Variants in PDE11A observed in about 807,000 individuals in gnomAD.
PDE11A encodes dual 3',5'-cyclic-AMP and -GMP phosphodiesterase 11A.
PDE11A carries 100 observed loss-of-function variants against 100.5 expected under a neutral mutation model. That is an observed-to-expected ratio of 1.00 (90% CI 0.85 to 1.18). PDE11A has a LOEUF of 1.18. Among genes scored for constraint, PDE11A ranks in the 50% most tolerant of loss-of-function variants. The probability of loss-of-function intolerance (pLI) is 0.00; values close to 1 mark genes in which losing one functional copy is unlikely to be tolerated. For synonymous variants in PDE11A, 381 were observed against 420.8 expected, an observed-to-expected ratio of 0.91 and a Z score of 1.16; for missense variants, 1,141 against 1,152.6, an observed-to-expected ratio of 0.99 and a Z score of 0.15.
At chr2:177,815,025 A>T (rs1056859572) in intron 9 of PDE11A, among the ~76,000 whole-genome samples, 3 of 152,186 alleles carry the variant, frequency 2.0e-5, no homozygotes, top group Non-Finnish European at 4.4e-5. Context: ...TGTTAATTAT[A>T]CTGTGACATA....
intron 18 of PDE11A, among the ~76,000 whole-genome samples, chr2:177,669,126 T>C (rs911401056): frequency 6.6e-6 from 1 of 152,244 alleles, no homozygotes; most frequent in Non-Finnish European, 1.5e-5. Flanking sequence ...AAATAAAATC[T>C]AGCTTCTCAA....
chr2:177,702,370 A>C (rs10168641), intron 13 of PDE11A: 2 of 151,704 alleles, frequency 1.3e-5, no homozygotes, highest in African/African-American at 2.4e-5. Context: ...AAGAAATGGG[A>C]GTTAGAGCAT....
intron 2 of PDE11A, among the ~76,000 whole-genome samples, chr2:178,003,349 T>C (rs892682835): frequency 3.9e-5 from 6 of 152,128 alleles, no homozygotes; most frequent in Admixed American, 3.3e-4. Context: ...TATATCCACA[T>C]GGTGGCACAT....
At chr2:178,001,993 G>T (rs1420142827) in intron 2 of PDE11A, among the ~76,000 whole-genome samples, 5 of 152,094 alleles carry the variant, frequency 3.3e-5, no homozygotes, top group Admixed American at 2.0e-4. Context: ...CTGAGGTTTG[G>T]GATATGAATG....
intron 2 of PDE11A, among the ~76,000 whole-genome samples, chr2:177,949,314 T>G (rs568342558): frequency 2.1e-4 from 32 of 152,326 alleles, no homozygotes; most frequent in African/African-American, 6.7e-4. Context: ...CAACATGTAC[T>G]CATTACAAAT....
At chr2:177,798,125 T>A (rs1261116340) in intron 9 of PDE11A, among the ~76,000 whole-genome samples, 2 of 152,202 alleles carry the variant, frequency 1.3e-5, no homozygotes, top group Middle Eastern at 3.2e-3. Context: ...CCTATGACTT[T>A]CCTTCTCCAT....
At chr2:177,760,494 A>G (rs781632495) in intron 10 of PDE11A, among the ~76,000 whole-genome samples, 3 of 152,208 alleles carry the variant, frequency 2.0e-5, no homozygotes, top group Non-Finnish European at 4.4e-5. Context: ...AAATTTGAGT[A>G]TGCGAAAATC....
intron 1 of PDE11A, among the ~76,000 whole-genome samples, chr2:178,051,690 A>C (rs559406409): frequency 1.3e-5 from 2 of 152,048 alleles, no homozygotes; most frequent in African/African-American, 4.8e-5. Flanking sequence ...AAACAACGAC[A>C]AAAAAAAGCA....
At chr2:177,869,157 C>T (rs2105684102) in intron 5 of PDE11A, among the ~76,000 whole-genome samples, 1 of 152,330 alleles carries the variant, frequency 6.6e-6, no homozygotes, top group East Asian at 1.9e-4. Flanking sequence ...CATTCATTTC[C>T]CATTTCTGCA....
chr2:177,867,617 T>C (rs2084053067), intron 5 of PDE11A, among the ~76,000 whole-genome samples: 1 of 152,040 alleles, frequency 6.6e-6, no homozygotes, highest in African/African-American at 2.4e-5. Flanking sequence ...TCCTAGCTAC[T>C]CGGCAGGCTG....
At chr2:177,740,777 G>A (rs2105464492) in intron 10 of PDE11A, among the ~76,000 whole-genome samples, 1 of 152,268 alleles carries the variant, frequency 6.6e-6, no homozygotes, top group East Asian at 1.9e-4. Flanking sequence ...GTGGTCTTGT[G>A]AATCTGTCTC....
At chr2:177,769,519 A>G (rs2105501813) in intron 9 of PDE11A, 146 bp from the exon 10 acceptor site, 2 of 637,694 alleles carry the variant, frequency 3.1e-6, no homozygotes, top group Non-Finnish European at 2.8e-6. Flanking sequence ...CAACATGTCT[A>G]ATAACATTCT....
chr2:177,909,910 T>C (rs953447811), intron 2 of PDE11A, among the ~76,000 whole-genome samples: 2 of 152,206 alleles, frequency 1.3e-5, no homozygotes, highest in African/African-American at 2.4e-5. Context: ...CCTTATCAAG[T>C]GCAACTGATG....
chr2:178,066,605 C>G (rs887769718), intron 1 of PDE11A, among the ~76,000 whole-genome samples: 7 of 152,140 alleles, frequency 4.6e-5, no homozygotes, highest in Non-Finnish European at 1.0e-4. Context: ...GTCACATGGG[C>G]TGAGGGAGAG....
rs1242919703 is a variant in PDE11A, at chr2:177,998,794, G to A, written c.1071+15508C>T. 8.5e-6 allele frequency: 6 copies of A among 706,348 alleles called. No homozygotes were observed. The Admixed American group carries it at 1.1e-4, about 13-fold the overall frequency. 43.8% of individuals were successfully genotyped at this position (706,348 alleles called of 1,614,324 possible). A position where few individuals can be genotyped will look rare whatever the true frequency, so the allele number is the denominator to read the frequency against. On this transcript the variant is annotated intron_variant, in intron 2 of 19. Coordinates refer to ENST00000286063, the MANE Select transcript of PDE11A (RefSeq NM_016953.4). ...ATGGTGAGCGACAAGCCCAGGGCCT[G>A]CTCCCACTATCTTCATCCTTGCCGG...
intron 1 of PDE11A, among the ~76,000 whole-genome samples, chr2:178,046,179 A>G (rs1205052582): frequency 6.6e-6 from 1 of 152,228 alleles, no homozygotes; most frequent in Non-Finnish European, 1.5e-5. Context: ...CATATTCCCA[A>G]TAAATACTGG....
In PDE11A at chr2:177,895,510, C is replaced by T. The variant is rs374244014; in HGVS notation, c.1302+2548G>A. Among the ~76,000 whole-genome samples the T allele has an allele frequency of 4.0e-5, 6 of 150,612 alleles. No homozygotes were observed. In the East Asian group the frequency reaches 5.8e-4, roughly 15 times the overall value. The stretch of plus-strand genomic sequence containing the variant: ...TGGAGGTTTCAGTGAGCTGAGATCG[C>T]GCCATTGCACTCCAGCCTGGGGGAC... On this transcript the variant is annotated intron_variant, in intron 4 of 19. Coordinates refer to ENST00000286063, the MANE Select transcript of PDE11A (RefSeq NM_016953.4).
At chr2:177,921,094 T>TC (rs1387930516) in intron 2 of PDE11A, among the ~76,000 whole-genome samples, 1 of 121,150 alleles carries the variant, frequency 8.3e-6, no homozygotes, top group Non-Finnish European at 1.8e-5. Flanking sequence ...AAAAATAACT[T>TC]TTTTTTTTTT....
rs57168619 is a variant in PDE11A at position 177,979,611 on chromosome 2, CTTTT to C, written c.1071+34687_1071+34690del. ...GTGTGAATGGATATCCTCAGATGATCTTTTTTTTTTTTTTTTTGAGACAGAGTCT... is the reference window on the plus strand; with the variant it reads ...GTGTGAATGGATATCCTCAGATGATCTTTTTTTTTTTTTGAGACAGAGTCT... On this transcript the variant is annotated intron_variant, in intron 2 of 19. Coordinates refer to ENST00000286063, the MANE Select transcript of PDE11A (RefSeq NM_016953.4). Among the ~76,000 whole-genome samples, 10 of 106,880 alleles carry C rather than the reference CTTTT, an allele frequency of 9.4e-5. 1 individual carries two copies. Among genetic ancestry groups the C allele is most frequent in the Non-Finnish European group, 1.3e-4 (7 of 55,042 alleles). 70.1% of individuals were successfully genotyped at this position (106,880 alleles called of 152,430 possible).
Sources: gnomAD v4.1 joint callset for allele counts (sites outside exome capture counted in the v4.1 genomes callset) on GRCh38, gnomAD v4.1.1 for gene constraint, MANE v1.5 for transcripts, NCBI Gene and HGNC (gene_info 2026-07-23, HGNC 2026-07-21) for gene names.